RORA: variants seen among roughly 807,000 people sequenced by gnomAD.
RORA encodes RAR related orphan receptor A.
Under a neutral mutation model 69.5 loss-of-function variants are expected in RORA, and 7 were observed. The observed-to-expected ratio is 0.10, with a 90% confidence interval of 0.06 to 0.19. RORA has a LOEUF of 0.19. Ranked by LOEUF, RORA falls within the 10% of genes least tolerant of loss-of-function variation. The pLI, the probability that RORA is intolerant of heterozygous loss-of-function variation, is 1.00. For missense variants in RORA, 457 were observed against 663.0 expected, an observed-to-expected ratio of 0.69 and a Z score of 3.41; for synonymous variants, 261 against 240.8, an observed-to-expected ratio of 1.08 and a Z score of -0.78.
intron 1 of RORA, among the ~76,000 whole-genome samples, chr15:60,996,676 T>G (rs1470047042): frequency 2.0e-5 from 3 of 152,104 alleles, no homozygotes; most frequent in South Asian, 2.1e-4. Flanking sequence ...TTTAGGAGGC[T>G]GAGGTGGGTG....
At chr15:61,188,378 G>C (rs759016871) in intron 1 of RORA, among the ~76,000 whole-genome samples, 5 of 152,220 alleles carry the variant, frequency 3.3e-5, no homozygotes, top group Admixed American at 1.3e-4. Flanking sequence ...GGTGGGCCGG[G>C]TTTGACCCAC....
At chr15:60,865,910 T>C (rs1299315267) in intron 1 of RORA, among the ~76,000 whole-genome samples, 1 of 152,134 alleles carries the variant, frequency 6.6e-6, no homozygotes, top group Non-Finnish European at 1.5e-5. Flanking sequence ...AGGGGAGAGA[T>C]GGGATATTAA....
chr15:60,532,959 T>G (rs568338228), intron 2 of RORA, among the ~76,000 whole-genome samples: 22 of 152,356 alleles, frequency 1.4e-4, no homozygotes, highest in African/African-American at 4.6e-4. Flanking sequence ...CAGAGTAATT[T>G]CTTTGTCCAA....
At chr15:61,043,875 C>T (rs1024622952) in intron 1 of RORA, among the ~76,000 whole-genome samples, 21 of 152,226 alleles carry the variant, frequency 1.4e-4, no homozygotes, top group Admixed American at 1.4e-3. Flanking sequence ...GTGTAGCCTG[C>T]TCTTGTGTCC....
chr15:60,947,348 G>T (rs549163893), intron 1 of RORA, among the ~76,000 whole-genome samples: 1 of 152,290 alleles, frequency 6.6e-6, no homozygotes, highest in African/African-American at 2.4e-5. Context: ...TCTGTACTGG[G>T]AAAAATTCTT....
At chr15:61,047,029 T>G (rs1442693141) in intron 1 of RORA, among the ~76,000 whole-genome samples, 1 of 152,238 alleles carries the variant, frequency 6.6e-6, no homozygotes, top group Non-Finnish European at 1.5e-5. Context: ...AGTCCTTCAT[T>G]TCTTACCTTG....
intron 1 of RORA, among the ~76,000 whole-genome samples, chr15:60,893,336 G>A (rs1891131553): frequency 6.6e-6 from 1 of 152,210 alleles, no homozygotes. Flanking sequence ...AGAGGACAAG[G>A]CAAGAGGGAA....
At chr15:60,976,232 G>A (rs1319608875) in intron 1 of RORA, among the ~76,000 whole-genome samples, 1 of 152,182 alleles carries the variant, frequency 6.6e-6, no homozygotes, top group African/African-American at 2.4e-5. Context: ...ACCTAAGCCT[G>A]TGGTGGAGCA....
intron 2 of RORA, chr15:60,558,441 A>G: frequency 1.7e-6 from 1 of 572,910 alleles, no homozygotes; most frequent in Non-Finnish European, 3.1e-6. Flanking sequence ...GATCTCATAC[A>G]CCAGAATTCA....
chr15:60,542,653 C>T (rs1359167142), intron 2 of RORA, among the ~76,000 whole-genome samples: 2 of 144,164 alleles, frequency 1.4e-5, no homozygotes, highest in Non-Finnish European at 3.0e-5. Flanking sequence ...GACACACGGG[C>T]ACACCTCACA....
intron 1 of RORA, among the ~76,000 whole-genome samples, chr15:61,138,650 G>A (rs1029202562): frequency 6.6e-6 from 1 of 152,178 alleles, no homozygotes; most frequent in Non-Finnish European, 1.5e-5. Context: ...AGCTCCTAGA[G>A]ATACAGGGAG....
intron 1 of RORA, among the ~76,000 whole-genome samples, chr15:60,685,549 C>A (rs745636074): frequency 7.9e-5 from 12 of 152,176 alleles, no homozygotes; most frequent in African/African-American, 2.9e-4. Flanking sequence ...ATGCACGAGG[C>A]GGATCCGGAA....
At chr15:60,713,289 T>A (rs1428362035) in intron 1 of RORA, among the ~76,000 whole-genome samples, 2 of 152,142 alleles carry the variant, frequency 1.3e-5, no homozygotes, top group South Asian at 4.1e-4. Context: ...AAGAGGTCAC[T>A]TGGTTTGAGG....
chr15:61,101,996 C>T (rs970716940), intron 1 of RORA, among the ~76,000 whole-genome samples: 15 of 152,138 alleles, frequency 9.9e-5, no homozygotes, highest in African/African-American at 3.6e-4. Context: ...AACCATCTCC[C>T]AAGGCACACA....
chr15:60,576,122 T>C (rs2414678), intron 2 of RORA, among the ~76,000 whole-genome samples: 41,181 of 152,176 alleles, frequency 0.27, 10,176 homozygotes, highest in African/African-American at 0.66. Flanking sequence ...GGTAGATCCA[T>C]AGAAGACAGG....
chr15:60,745,418 T>G (rs1300909362), intron 1 of RORA, among the ~76,000 whole-genome samples: 1 of 152,230 alleles, frequency 6.6e-6, no homozygotes, highest in Non-Finnish European at 1.5e-5. Context: ...AGATCTTTTC[T>G]TTTTGTTTTT....
At chr15:61,129,912 G>C (rs953703458) in intron 1 of RORA, among the ~76,000 whole-genome samples, 3 of 152,130 alleles carry the variant, frequency 2.0e-5, no homozygotes, top group African/African-American at 7.2e-5. Flanking sequence ...CAGTAAACAG[G>C]GTTTCCAATG....
intron 2 of RORA, among the ~76,000 whole-genome samples, chr15:60,667,693 T>C (rs573315000): frequency 1.7e-3 from 261 of 152,206 alleles, no homozygotes; most frequent in African/African-American, 6.0e-3. Flanking sequence ...GATCATAGCT[T>C]GCGGCAGCTT....
chr15:60,883,855 C>T (rs8039843), intron 1 of RORA, among the ~76,000 whole-genome samples: 2 of 152,082 alleles, frequency 1.3e-5, no homozygotes, highest in South Asian at 2.1e-4. Context: ...CACGATGCAA[C>T]TGAGGGATAC....
Sources: allele counts gnomAD v4.1 joint callset (sites outside exome capture counted in the v4.1 genomes callset), GRCh38; gene constraint gnomAD v4.1.1; transcripts MANE v1.5; gene names NCBI Gene and HGNC (gene_info 2026-07-23, HGNC 2026-07-21).